The following USP18 variants were observed in gnomAD, a reference collection of about 807,000 sequenced individuals.
USP18 encodes the protein ubl carboxyl-terminal hydrolase 18.
A neutral mutation model predicts 48.7 loss-of-function variants in USP18; 11 were observed. The ratio of observed to expected loss-of-function variants is 0.23; its 90% CI spans 0.14 to 0.37. The LOEUF (loss-of-function observed/expected upper bound fraction) is 0.37, where lower values mean the gene tolerates loss of function less well. USP18 is among the 10% of genes least tolerant of loss of function. USP18 has a pLI of 1.00. For synonymous variants in USP18, 114 were observed against 163.2 expected, an observed-to-expected ratio of 0.70 and a Z score of 2.30; for missense variants, 285 against 436.4, an observed-to-expected ratio of 0.65 and a Z score of 3.09.
intron 1 of USP18, among the ~76,000 whole-genome samples, chr22:18,155,072 G>A (rs1929092626): frequency 6.6e-6 from 1 of 152,238 alleles, no homozygotes; most frequent in Non-Finnish European, 1.5e-5. Context: ...ATGCCTGAAG[G>A]CCATAGCTGC....
chr22:18,171,990 A>G (rs1437874117), intron 8 of USP18, among the ~76,000 whole-genome samples: 3 of 151,934 alleles, frequency 2.0e-5, no homozygotes, highest in Non-Finnish European at 2.9e-5. Context: ...GACTTTTTTG[A>G]CTGGATGCAG....
In USP18 at chr22:18,157,552, T is replaced by A; in HGVS notation, c.-106-6T>A. ...ATTCTTGCCTACCCGCATTGTATTT[T>A]CACAGAGATTCCATCGTGCCTGGCT... On this transcript the variant is annotated splice_polypyrimidine_tract_variant and splice_region_variant and intron_variant, in intron 1 of 10. Transcript: ENST00000215794. The A allele has an allele frequency of 7.1e-7, 1 of 1,414,402 alleles. No individual in the cohort carries two copies. Among genetic ancestry groups the A allele is most frequent in the Non-Finnish European group, 9.7e-7 (1 of 1,027,442 alleles). The allele number at this position is 1,414,402 out of a possible 1,614,324, so 87.6% of individuals were successfully genotyped here.
At chr22:18,173,021 G>T (rs1929677590) in intron 8 of USP18, 129 bp from the exon 9 acceptor site, 26 of 1,512,472 alleles carry the variant, frequency 1.7e-5, no homozygotes, top group Non-Finnish European at 2.3e-5. Flanking sequence ...GTGCCCACTG[G>T]CTGTGGGTCG....
At chr22:18,150,683 C>G (rs1928972117) in intron 1 of USP18, among the ~76,000 whole-genome samples, 1 of 152,174 alleles carries the variant, frequency 6.6e-6, no homozygotes, top group Non-Finnish European at 1.5e-5. Flanking sequence ...AAAACTGATT[C>G]GGCCGGGTAC....
chr22:18,153,429 C>CAA (rs773524805), intron 1 of USP18, among the ~76,000 whole-genome samples: 1 of 126,390 alleles, frequency 7.9e-6, no homozygotes, highest in Non-Finnish European at 1.6e-5. Context: ...AATTCCATCT[C>CAA]AAAAAAAAAA....
Position 18,170,653 on chromosome 22 carries a change from G to T in USP18, c.724-100G>T. On this transcript the variant is annotated intron_variant, in intron 7 of 10. Coordinates refer to ENST00000215794, the MANE Select transcript of USP18 (RefSeq NM_017414.4). ...GCCTTGAACTCCGTGATGTCGCCCC[G>T]CTCCCCTCTTTTTGGGAAGAACGCG... 7 of 1,372,332 alleles carry T rather than the reference G, an allele frequency of 5.1e-6. 1 individual carries two copies. Among genetic ancestry groups the T allele is most frequent in the Non-Finnish European group, 6.9e-6 (7 of 1,013,740 alleles). The allele number at this position is 1,372,332 out of a possible 1,614,324, so 85.0% of individuals were successfully genotyped here.
At chr22:18,156,343 G>A (rs1216721483) in intron 1 of USP18, among the ~76,000 whole-genome samples, 4 of 152,188 alleles carry the variant, frequency 2.6e-5, no homozygotes, top group Non-Finnish European at 4.4e-5. Context: ...CAGGCTGCCC[G>A]AGCCAGCAGT....
At chr22:18,174,113 A>G (rs1929713797) in intron 10 of USP18, among the ~76,000 whole-genome samples, 1 of 151,784 alleles carries the variant, frequency 6.6e-6, no homozygotes, top group Non-Finnish European at 1.5e-5. Context: ...CTCGTTTACC[A>G]TCTAGGCCAA....
chr22:18,156,814 G>C (rs1929161323), intron 1 of USP18, among the ~76,000 whole-genome samples: 1 of 152,212 alleles, frequency 6.6e-6, no homozygotes, highest in South Asian at 2.1e-4. Flanking sequence ...CTCACTGCGA[G>C]GGTCCACGGC....
At chr22:18,154,132 A>G (rs981541224) in intron 1 of USP18, among the ~76,000 whole-genome samples, 3 of 150,482 alleles carry the variant, frequency 2.0e-5, no homozygotes, top group Non-Finnish European at 4.4e-5. Context: ...GTTTTTAAGG[A>G]ATCTCCATAC....
chr22:18,164,689 T>A (rs954688548), intron 4 of USP18, among the ~76,000 whole-genome samples: 5 of 152,196 alleles, frequency 3.3e-5, no homozygotes, highest in African/African-American at 1.2e-4. Context: ...CTGTTTGCTC[T>A]GTGCTGAGCA....
chr22:18,162,004 G>C, intron 4 of USP18, 69 bp downstream of exon 4: 1 of 1,523,750 alleles, frequency 6.6e-7, no homozygotes, highest in Non-Finnish European at 8.8e-7. Context: ...AGAGTGAAGA[G>C]AGGAACTAAC....
At chr22:18,156,859 C>T (rs1929163599) in intron 1 of USP18, among the ~76,000 whole-genome samples, 2 of 152,246 alleles carry the variant, frequency 1.3e-5, no homozygotes, top group Admixed American at 1.3e-4. Context: ...AAGCACCCAC[C>T]AATTCCGGAC....
chr22:18,150,942 CTG>C (rs1928982356), intron 1 of USP18, among the ~76,000 whole-genome samples: 1 of 152,242 alleles, frequency 6.6e-6, no homozygotes, highest in Non-Finnish European at 1.5e-5. Context: ...CAGAGCGAAA[CTG>C]TCTCAAACAA....
Position 18,169,882 on chromosome 22 carries a change from A to G in USP18, c.666A>G (p.Leu222=). ...ACTGCTTCTTCCAGCCCAGGGAGTT[A>G]TCAAGCAAAAGCAAGTGCTTCTGTG... ...ALHCFFQPRE[L]SSKSKCFCEN... is the part of the protein sequence containing the mutation. Residue 222 remains leucine, a synonymous_variant, in exon 7 of 11, where the codon TTA becomes TTG. Transcript: ENST00000215794. 6.2e-7 allele frequency: 1 copy of G among 1,607,892 alleles called. No individual in the cohort carries two copies. Among genetic ancestry groups the G allele is most frequent in the Non-Finnish European group, 8.5e-7 (1 of 1,176,900 alleles).
intron 4 of USP18, among the ~76,000 whole-genome samples, chr22:18,162,994 A>G (rs541716016): frequency 6.6e-6 from 1 of 151,144 alleles, no homozygotes; most frequent in South Asian, 2.1e-4. Flanking sequence ...GCTCCTCTGA[A>G]TGATTTCCAG....
intron 4 of USP18, among the ~76,000 whole-genome samples, chr22:18,162,749 T>C (rs1929364291): frequency 6.6e-6 from 1 of 152,106 alleles, no homozygotes; most frequent in African/African-American, 2.4e-5. Context: ...TTACACAAAT[T>C]TAGATGGGAC....
chr22:18,153,926 TTG>T (rs1929063707), intron 1 of USP18, among the ~76,000 whole-genome samples: 1 of 152,138 alleles, frequency 6.6e-6, no homozygotes, highest in South Asian at 2.1e-4. Flanking sequence ...ACATCCCATT[TTG>T]TGTATATAGT....
At chr22:18,168,071 A>T (rs548383728) in intron 6 of USP18, 35 bp downstream of exon 6, 25 of 1,611,020 alleles carry the variant, frequency 1.6e-5, no homozygotes, top group East Asian at 6.7e-5. Context: ...CTGCCCCTGT[A>T]TGTGTTAGTC....
Sources: gnomAD v4.1 joint callset for allele counts (sites outside exome capture counted in the v4.1 genomes callset) on GRCh38, gnomAD v4.1.1 for gene constraint, MANE v1.5 for transcripts, NCBI Gene and HGNC (gene_info 2026-07-23, HGNC 2026-07-21) for gene names.